UNC5C: variants seen among roughly 807,000 people sequenced by gnomAD.
The protein encoded by UNC5C is netrin receptor UNC5C.
UNC5C carries 47 observed loss-of-function variants against 99.8 expected under a neutral mutation model. That is an observed-to-expected ratio of 0.47 (90% CI 0.37 to 0.60). UNC5C has a LOEUF of 0.60. Ranked by LOEUF, UNC5C falls within the 20% of genes least tolerant of loss-of-function variation. The pLI, the probability that UNC5C is intolerant of heterozygous loss-of-function variation, is 0.00. For missense variants in UNC5C, 1,062 were observed against 1,165.9 expected (o/e 0.91, Z 1.30); for synonymous variants, 487 against 452.2 (o/e 1.08, Z -0.98).
chr4:95,275,690 G>A (rs1740835628), intron 4 of UNC5C, among the ~76,000 whole-genome samples: 1 of 152,168 alleles, frequency 6.6e-6, no homozygotes, highest in Non-Finnish European at 1.5e-5. Flanking sequence ...TAGAGTTCTT[G>A]AAAAACTTAT....
chr4:95,399,466 C>T (rs555569926), intron 1 of UNC5C, among the ~76,000 whole-genome samples: 18 of 152,186 alleles, frequency 1.2e-4, no homozygotes, highest in Non-Finnish European at 2.2e-4. Context: ...GCATAAAACT[C>T]TTCAATGGAT....
chr4:95,285,318 A>T (rs980256999), intron 3 of UNC5C, among the ~76,000 whole-genome samples: 2 of 152,202 alleles, frequency 1.3e-5, no homozygotes, highest in African/African-American at 4.8e-5. Context: ...TTCTAGTGGA[A>T]ATCTAAATCC....
chr4:95,237,978 G>A (rs1290857150), intron 7 of UNC5C, among the ~76,000 whole-genome samples: 1 of 152,112 alleles, frequency 6.6e-6, no homozygotes, highest in African/African-American at 2.4e-5. Flanking sequence ...GAAGTCAGAG[G>A]TTGCAGTGAG....
At chr4:95,524,037 C>G (rs368536850) in intron 1 of UNC5C, among the ~76,000 whole-genome samples, 2 of 152,148 alleles carry the variant, frequency 1.3e-5, no homozygotes, top group Non-Finnish European at 2.9e-5. Flanking sequence ...TCAGAGCACA[C>G]AATCCTTTTT....
chr4:95,316,001 T>A lies in UNC5C; in HGVS notation c.347-14252A>T, dbSNP rs373058817. On this transcript the variant is annotated intron_variant, in intron 2 of 15. Coordinates refer to ENST00000453304, the MANE Select transcript of UNC5C (RefSeq NM_003728.4). ...ATAAGCCCATTTGGTAACACTTCTG[T>A]CAGATTTCAGTTGCATATTCACTGT... is the stretch of plus-strand genomic sequence containing the variant. Among the ~76,000 whole-genome samples the A allele has an allele frequency of 1.6e-4, 25 of 152,292 alleles. No homozygotes were observed. In the South Asian group the frequency reaches 4.6e-3, roughly 28 times the overall value.
intron 2 of UNC5C, among the ~76,000 whole-genome samples, chr4:95,315,446 G>A (rs1421213284): frequency 6.6e-6 from 1 of 152,128 alleles, no homozygotes; most frequent in African/African-American, 2.4e-5. Flanking sequence ...AAAGAAAAAT[G>A]ATTGTTTCCC....
chr4:95,320,454 G>C (rs1377652504), intron 2 of UNC5C, among the ~76,000 whole-genome samples: 2 of 145,126 alleles, frequency 1.4e-5, no homozygotes, highest in Admixed American at 1.4e-4. Flanking sequence ...GAAAAGAAAA[G>C]AAAGTAAAAG....
At position 95,206,736 on chromosome 4, in the gene UNC5C, T is replaced by C; in HGVS notation, c.1794A>G (p.Gly598=). The change falls in exon 11 of 16, where the codon GGA becomes GGG. Residue 598 remains glycine (G), a synonymous_variant. Transcript: ENST00000453304. ...LTPVVSCGPP[G]ALLTRPVVLT... ...GGACGACTGGGCGGGTGAGCAGAGC[T>C]CCTGGGGGCCCACAGCTCACCACAG... 6.2e-7 allele frequency: 1 copy of C among 1,613,762 alleles called. No individual in the cohort carries two copies. The highest frequency in any genetic ancestry group is 8.5e-7 in the Non-Finnish European group (1 of 1,179,882).
intron 1 of UNC5C, among the ~76,000 whole-genome samples, chr4:95,431,264 A>G (rs1746627873): frequency 6.6e-6 from 1 of 152,076 alleles, no homozygotes; most frequent in African/African-American, 2.4e-5. Flanking sequence ...TGATGGTAGA[A>G]AGCAGAGTTC....
intron 1 of UNC5C, among the ~76,000 whole-genome samples, chr4:95,360,457 T>C (rs948788015): frequency 6.6e-6 from 1 of 152,158 alleles, no homozygotes; most frequent in Non-Finnish European, 1.5e-5. Flanking sequence ...TTAGCACTGT[T>C]AAAAGTATTG....
At chr4:95,313,780 A>T (rs1297292063) in intron 2 of UNC5C, among the ~76,000 whole-genome samples, 1 of 152,314 alleles carries the variant, frequency 6.6e-6, no homozygotes, top group East Asian at 1.9e-4. Context: ...TATGTTTAAA[A>T]ATTCCACTCA....
chr4:95,186,151 C>T (rs1181700947), intron 12 of UNC5C, among the ~76,000 whole-genome samples: 1 of 152,190 alleles, frequency 6.6e-6, no homozygotes, highest in Non-Finnish European at 1.5e-5. Flanking sequence ...ATGCACGTTA[C>T]TCCTCTCATG....
intron 14 of UNC5C, 28 bp from the exon 15 acceptor site, chr4:95,170,360 G>A (rs1378212057): frequency 1.2e-6 from 2 of 1,606,660 alleles, no homozygotes; most frequent in Admixed American, 1.7e-5. Flanking sequence ...GAACAACACA[G>A]CATTATTTCT....
chr4:95,240,186 T>C lies in UNC5C; in HGVS notation c.1108+2243A>G, dbSNP rs1053298652. Reference sequence around the variant, plus strand: ...TGATTACAACTTTCTGGCTATCTTTTCTACTCCCATTCTTTTTCTTAATAC... The same window carrying C: ...TGATTACAACTTTCTGGCTATCTTTCCTACTCCCATTCTTTTTCTTAATAC... On this transcript the variant is annotated intron_variant, in intron 7 of 15. Transcript: ENST00000453304. Among the ~76,000 whole-genome samples, 12 of 152,346 alleles carry C rather than the reference T, an allele frequency of 7.9e-5. No homozygotes were observed. In the East Asian group the frequency reaches 2.1e-3, roughly 27 times the overall value.
rs143103977 is a variant in UNC5C, at chr4:95,404,990, C to T, written c.125-69359G>A. Among the ~76,000 whole-genome samples, 850 of 152,300 alleles carry T rather than the reference C, an allele frequency of 5.6e-3. 6 individuals are homozygous for T. The highest frequency in any genetic ancestry group is 9.1e-3 in the Non-Finnish European group (621 of 68,020). On this transcript the variant is annotated intron_variant, in intron 1 of 15. Coordinates refer to ENST00000453304, the MANE Select transcript of UNC5C (RefSeq NM_003728.4). ...GGATCACTTTCCCACTCCATGCCCC[C>T]CTTCCAGCTTCCCATCCATCCTGCT...
At chr4:95,442,731 AT>A (rs1227651597) in intron 1 of UNC5C, among the ~76,000 whole-genome samples, 1 of 152,136 alleles carries the variant, frequency 6.6e-6, no homozygotes, top group African/African-American at 2.4e-5. Context: ...GTAGCCTAAT[AT>A]AATAATGCGC....
chr4:95,256,699 A>AATATATAT (rs377553615), intron 4 of UNC5C, among the ~76,000 whole-genome samples: 961 of 90,668 alleles, frequency 0.011, 39 homozygotes, highest in African/African-American at 0.032. Context: ...GAACTAAATA[A>AATATATAT]ATATATATAT....
At chr4:95,356,226 A>AAAAAAAAAAAAAAAAAAAAAC (rs1371053400) in intron 1 of UNC5C, among the ~76,000 whole-genome samples, 4 of 144,714 alleles carry the variant, frequency 2.8e-5, no homozygotes, top group Admixed American at 7.1e-5. Context: ...AACAAAAAAA[A>AAAAAAAAAAAAAAAAAAAAAC]AACAGATTCC....
At chr4:95,403,461 T>G (rs925846782) in intron 1 of UNC5C, among the ~76,000 whole-genome samples, 3 of 152,236 alleles carry the variant, frequency 2.0e-5, no homozygotes, top group Non-Finnish European at 4.4e-5. Context: ...ACTGAAAGTT[T>G]CATTTCAGGG....
Sources: allele counts gnomAD v4.1 joint callset (sites outside exome capture counted in the v4.1 genomes callset), GRCh38; gene constraint gnomAD v4.1.1; transcripts MANE v1.5; gene names NCBI Gene and HGNC (gene_info 2026-07-23, HGNC 2026-07-21).